The following DRC11L variants were observed in gnomAD, a reference collection of about 807,000 sequenced individuals.
DRC11L encodes the protein dynein regulatory complex subunit 11 like, also known as dynein regulatory complex subunit like-11.
the DRC11L span, chr7:151,196,113 T>C: frequency 3.7e-6 from 1 of 267,284 alleles, no homozygotes; most frequent in African/African-American, 2.2e-5. Flanking sequence ...GGACACGTCG[T>C]CAGAGGGTTC....
chr7:151,205,294 G>T, the DRC11L span: 2 of 398,668 alleles, frequency 5.0e-6, no homozygotes, highest in Non-Finnish European at 8.9e-6. Flanking sequence ...TCGGAGGGAA[G>T]TTTCCACAGT....
At chr7:151,191,605 G>C in the DRC11L span, 1 of 399,070 alleles carries the variant, frequency 2.5e-6, no homozygotes. Context: ...CAAGGGCGCT[G>C]CTTACCCACA....
the DRC11L span, chr7:151,198,866 T>C: frequency 2.5e-6 from 1 of 399,136 alleles, no homozygotes; most frequent in Non-Finnish European, 4.4e-6. Context: ...CCTCTGTCTC[T>C]ACCAGAGAAT....
the DRC11L span, among the ~76,000 whole-genome samples, chr7:151,203,878 G>T: frequency 5.3e-5 from 8 of 152,286 alleles, no homozygotes; most frequent in African/African-American, 1.9e-4. Flanking sequence ...CCCCGACCAA[G>T]TGCACTGCTG....
At chr7:151,201,226 G>A in the DRC11L span, among the ~76,000 whole-genome samples, 1 of 152,206 alleles carries the variant, frequency 6.6e-6, no homozygotes, top group Non-Finnish European at 1.5e-5. This position sits in a 1 kb window ranked among gnomAD's most constrained non-coding sequence, Gnocchi z 4.1. Context: ...CTTCTCATCT[G>A]GGCTTCGTCC....
chr7:151,192,756 T>C, the DRC11L span: 3 of 399,070 alleles, frequency 7.5e-6, no homozygotes, highest in African/African-American at 4.1e-5. Context: ...CTTGTCTTCT[T>C]TGGGGGTCTT....
the DRC11L span, among the ~76,000 whole-genome samples, chr7:151,199,176 G>A: frequency 1.3e-5 from 2 of 152,126 alleles, no homozygotes; most frequent in Non-Finnish European, 2.9e-5. The surrounding 1 kb of genome is among the most constrained non-coding windows in gnomAD (Gnocchi z 5.2). Context: ...TGCCTGCATC[G>A]GGAGAAACTG....
At chr7:151,195,497 C>T in the DRC11L span, 12 of 399,584 alleles carry the variant, frequency 3.0e-5, no homozygotes, top group African/African-American at 6.2e-5. Context: ...TGGTTGGAAA[C>T]GAGTGCGTAG....
At chr7:151,196,600 T>G in the DRC11L span, 3 of 399,530 alleles carry the variant, frequency 7.5e-6, no homozygotes, top group African/African-American at 2.1e-5. Flanking sequence ...GAGTGCCGGG[T>G]GCATACACAC....
At chr7:151,196,034 C>T in the DRC11L span, 57 of 228,690 alleles carry the variant, frequency 2.5e-4, no homozygotes, top group East Asian at 3.7e-3. Context: ...AGGAAAACCA[C>T]GGTACTTTCC....
the DRC11L span, among the ~76,000 whole-genome samples, chr7:151,200,199 G>A: frequency 2.0e-4 from 30 of 152,216 alleles, no homozygotes; most frequent in Admixed American, 2.6e-4. Context: ...GAAAAAGGGT[G>A]TGAAGGGATA....
At chr7:151,195,446 C>T in the DRC11L span, 1 of 399,162 alleles carries the variant, frequency 2.5e-6, no homozygotes, top group Non-Finnish European at 4.4e-6. Context: ...GAGGTCAGAT[C>T]TTTTTCCTTC....
the DRC11L span, among the ~76,000 whole-genome samples, chr7:151,191,445 C>T: frequency 1.3e-5 from 2 of 152,216 alleles, no homozygotes; most frequent in Admixed American, 1.3e-4. Context: ...TCAGGGAAAC[C>T]AGGTGGGACG....
chr7:151,193,521 C>T, the DRC11L span: 2 of 399,314 alleles, frequency 5.0e-6, no homozygotes, highest in African/African-American at 4.1e-5. Flanking sequence ...CAGAGCCAGG[C>T]AACAGGTCAG....
At chr7:151,196,371 A>C in the DRC11L span, 1 of 398,926 alleles carries the variant, frequency 2.5e-6, no homozygotes, top group Non-Finnish European at 4.4e-6. Context: ...AGGAGCCTGA[A>C]TCTGGCTGGA....
the DRC11L span, among the ~76,000 whole-genome samples, chr7:151,203,788 C>G: frequency 6.6e-6 from 1 of 152,158 alleles, no homozygotes; most frequent in Non-Finnish European, 1.5e-5. Flanking sequence ...CTGGGAAGCT[C>G]TTAAATGCAG....
the DRC11L span, chr7:151,203,616 T>A: frequency 2.5e-6 from 1 of 395,878 alleles, no homozygotes; most frequent in African/African-American, 2.1e-5. Flanking sequence ...CAGCACTGTT[T>A]TCCTCCATTT....
the DRC11L span, chr7:151,192,128 C>G: frequency 2.5e-6 from 1 of 398,098 alleles, no homozygotes; most frequent in Non-Finnish European, 4.4e-6. Context: ...AGAGCCAAAG[C>G]CAGGACCCAG....
At chr7:151,199,850 C>G in the DRC11L span, among the ~76,000 whole-genome samples, 15 of 152,264 alleles carry the variant, frequency 9.9e-5, no homozygotes, top group African/African-American at 2.7e-4. The surrounding 1 kb of genome is among the most constrained non-coding windows in gnomAD (Gnocchi z 5.2). Flanking sequence ...TGGAGACCAG[C>G]TGGGTGAGAG....
Sources: allele counts gnomAD v4.1 joint callset (sites outside exome capture counted in the v4.1 genomes callset), GRCh38; gene constraint gnomAD v4.1.1; non-coding constraint Gnocchi (gnomAD v3.1); transcripts MANE v1.5; gene names NCBI Gene and HGNC (gene_info 2026-07-23, HGNC 2026-07-21).